PTPRK: variants seen among roughly 807,000 people sequenced by gnomAD.
The protein encoded by PTPRK is receptor-type tyrosine-protein phosphatase kappa.
PTPRK carries 75 observed loss-of-function variants against 178.0 expected under a neutral mutation model. That is an observed-to-expected ratio of 0.42 (90% confidence interval 0.35 to 0.51). The LOEUF (loss-of-function observed/expected upper bound fraction) is 0.51, where lower values mean the gene tolerates loss of function less well. PTPRK is among the 20% of genes least tolerant of loss of function. The pLI, the probability that PTPRK is intolerant of heterozygous loss-of-function variation, is 0.02. For synonymous variants in PTPRK, 637 were observed against 620.6 expected (o/e 1.03, Z -0.39); for missense variants, 1,441 against 1,797.8 (o/e 0.80, Z 3.59).
intron 3 of PTPRK, among the ~76,000 whole-genome samples, chr6:128,256,154 T>A (rs550578662): frequency 6.6e-6 from 1 of 152,228 alleles, no homozygotes; most frequent in African/African-American, 2.4e-5. Context: ...GAGATAAGCA[T>A]GGTAGGAAAT....
In PTPRK at chr6:127,969,483, A is replaced by G. The variant is rs1164252119; in HGVS notation, c.*744T>C. On this transcript the variant is annotated 3_prime_UTR_variant, in exon 30 of 30. Transcript: ENST00000368226. ...ATCTTCTACTTACACTAAAACATAC[A>G]AAAAATAATCTACAAAAATCGTTTA... is the stretch of plus-strand genomic sequence containing the variant. 1 of 152,192 alleles carries G rather than the reference A, an allele frequency of 6.6e-6. No individual in the cohort carries two copies. Among genetic ancestry groups the G allele is most frequent in the Non-Finnish European group, 1.5e-5 (1 of 68,020 alleles). 9.4% of individuals were successfully genotyped at this position (152,192 alleles called of 1,614,324 possible). A position where few individuals can be genotyped will look rare whatever the true frequency, so the allele number is the denominator to read the frequency against.
intron 6 of PTPRK, among the ~76,000 whole-genome samples, chr6:128,206,406 TA>T (rs60030807): frequency 0.029 from 3,502 of 120,568 alleles, 53 homozygotes; most frequent in African/African-American, 0.061. Flanking sequence ...GGGTGTTCAT[TA>T]AAAAAAAAAA....
In PTPRK at chr6:128,510,010, A is replaced by C. The variant is rs189216678; in HGVS notation, c.100+10249T>G. Among the ~76,000 whole-genome samples the C allele has an allele frequency of 8.5e-5, 13 of 152,372 alleles. No individual in the cohort carries two copies. The East Asian group carries it at 2.5e-3, about 29-fold the overall frequency. ...ACAAACTTCATCATTTAGGACTGAC[A>C]GTCATCACATAAGGACATAAATAAG... is the stretch of plus-strand genomic sequence containing the variant. On this transcript the variant is annotated intron_variant, in intron 1 of 29. Coordinates refer to ENST00000368226, the MANE Select transcript of PTPRK (RefSeq NM_002844.4).
chr6:128,445,814 A>T (rs1389659100), intron 1 of PTPRK, among the ~76,000 whole-genome samples: 1 of 152,166 alleles, frequency 6.6e-6, no homozygotes, highest in Non-Finnish European at 1.5e-5. Flanking sequence ...AATAATGGCT[A>T]TTGGATGGGT....
chr6:128,344,270 C>T (rs1434602533), intron 2 of PTPRK, among the ~76,000 whole-genome samples: 1 of 152,104 alleles, frequency 6.6e-6, no homozygotes, highest in Non-Finnish European at 1.5e-5. Context: ...TCTCACCATC[C>T]ACTTAATACT....
chr6:128,513,375 T>C (rs1295787789), intron 1 of PTPRK, among the ~76,000 whole-genome samples: 1 of 151,264 alleles, frequency 6.6e-6, no homozygotes, highest in African/African-American at 2.4e-5. Flanking sequence ...CCCAGCTACT[T>C]GGAAGCCTGA....
intron 15 of PTPRK, among the ~76,000 whole-genome samples, chr6:128,001,428 T>C (rs1440606728): frequency 6.6e-6 from 1 of 152,000 alleles, no homozygotes; most frequent in African/African-American, 2.4e-5. Flanking sequence ...TCTAATATGA[T>C]TAATGAGATA....
intron 13 of PTPRK, among the ~76,000 whole-genome samples, chr6:128,022,344 CTTGTT>C (rs1773649850): frequency 6.6e-6 from 1 of 152,076 alleles, no homozygotes; most frequent in African/African-American, 2.4e-5. Context: ...CAGAGGGGTG[CTTGTT>C]TTGTCTTTTT....
chr6:128,017,802 G>GTATATATATATATAGA (rs1554268829), intron 13 of PTPRK, among the ~76,000 whole-genome samples: 1 of 101,258 alleles, frequency 9.9e-6, no homozygotes, highest in African/African-American at 3.3e-5. Flanking sequence ...ATATATATGT[G>GTATATATATATATAGA]TATATATATA....
chr6:128,414,122 TC>T (rs1334898640), intron 1 of PTPRK, among the ~76,000 whole-genome samples: 1 of 152,094 alleles, frequency 6.6e-6, no homozygotes, highest in Non-Finnish European at 1.5e-5. Flanking sequence ...ATCCTATTCA[TC>T]CTAAATATAC....
At chr6:128,283,645 AT>A (rs1253891650) in intron 3 of PTPRK, among the ~76,000 whole-genome samples, 1 of 152,182 alleles carries the variant, frequency 6.6e-6, no homozygotes, top group African/African-American at 2.4e-5. Context: ...GAAAAATAAT[AT>A]AAATAGAAGC....
At chr6:128,360,031 A>C (rs924318180) in intron 2 of PTPRK, among the ~76,000 whole-genome samples, 3 of 152,180 alleles carry the variant, frequency 2.0e-5, no homozygotes, top group Non-Finnish European at 2.9e-5. Context: ...TATCTATTTC[A>C]AAATAAAAAC....
At chr6:128,020,118 T>G (rs1289068010) in intron 13 of PTPRK, among the ~76,000 whole-genome samples, 1 of 152,002 alleles carries the variant, frequency 6.6e-6, no homozygotes, top group East Asian at 1.9e-4. Context: ...CCCTGGAAAG[T>G]AATGAGCTGG....
chr6:128,396,702 G>C (rs74881207), intron 2 of PTPRK, among the ~76,000 whole-genome samples: 2,187 of 152,078 alleles, frequency 0.014, 56 homozygotes, highest in African/African-American at 0.05. Context: ...ACAAAGTAAG[G>C]TAAAAAACGA....
At chr6:128,164,508 C>T (rs1005203222) in intron 7 of PTPRK, among the ~76,000 whole-genome samples, 6 of 151,350 alleles carry the variant, frequency 4.0e-5, no homozygotes, top group Admixed American at 4.0e-4. Flanking sequence ...CCCTCCAACG[C>T]CTCTAACTTA....
At chr6:128,348,250 A>C (rs539480609) in intron 2 of PTPRK, among the ~76,000 whole-genome samples, 4 of 152,140 alleles carry the variant, frequency 2.6e-5, no homozygotes, top group Admixed American at 6.5e-5. Context: ...CAATATTAAG[A>C]AACAAATCTG....
intron 7 of PTPRK, among the ~76,000 whole-genome samples, chr6:128,092,945 T>C (rs1787235131): frequency 6.6e-6 from 1 of 152,306 alleles, no homozygotes; most frequent in South Asian, 2.1e-4. Flanking sequence ...ACCACTGATA[T>C]TTATGAGCTG....
At chr6:128,425,079 CTT>C (rs1157646907) in intron 1 of PTPRK, among the ~76,000 whole-genome samples, 26 of 134,006 alleles carry the variant, frequency 1.9e-4, no homozygotes, top group Admixed American at 3.7e-4. Flanking sequence ...AATGTGTAGT[CTT>C]TTTTTTTTTT....
intron 7 of PTPRK, among the ~76,000 whole-genome samples, chr6:128,143,295 C>T (rs1796036718): frequency 1.3e-5 from 2 of 152,200 alleles, no homozygotes; most frequent in South Asian, 4.1e-4. Flanking sequence ...TCACCTCTCA[C>T]CATATATAGA....
Sources: gnomAD v4.1 joint callset for allele counts (sites outside exome capture counted in the v4.1 genomes callset) on GRCh38, gnomAD v4.1.1 for gene constraint, MANE v1.5 for transcripts, NCBI Gene and HGNC (gene_info 2026-07-23, HGNC 2026-07-21) for gene names.